LINGO2: variants seen among roughly 807,000 people sequenced by gnomAD.
LINGO2 encodes the protein leucine-rich repeat and immunoglobulin-like domain-containing nogo receptor-interacting protein 2.
In LINGO2, 14 loss-of-function variants were observed where a neutral mutation model predicts 30.6. The observed-to-expected ratio is 0.46, with a 90% CI of 0.30 to 0.72. The LOEUF (loss-of-function observed/expected upper bound fraction) is 0.72. Ranked by LOEUF, LINGO2 falls within the 30% of genes least tolerant of loss-of-function variation. LINGO2 has a pLI of 0.07. For missense variants in LINGO2, 729 were observed against 751.7 expected (o/e 0.97, Z 0.35); for synonymous variants, 317 against 288.5 (o/e 1.10, Z -1.00).
At chr9:29,157,223 G>A in the LINGO2 span, among the ~76,000 whole-genome samples, 1 of 152,078 alleles carries the variant, frequency 6.6e-6, no homozygotes, top group Non-Finnish European at 1.5e-5. Flanking sequence ...TTCACAATTA[G>A]TGGACAGCAG....
At chr9:28,509,025 G>T (rs1820264148) in intron 1 of LINGO2, among the ~76,000 whole-genome samples, 1 of 152,118 alleles carries the variant, frequency 6.6e-6, no homozygotes, top group African/African-American at 2.4e-5. Context: ...GGTAGGCCAA[G>T]AATCTAGCAG....
At chr9:28,447,303 T>C (rs955627729) in intron 2 of LINGO2, among the ~76,000 whole-genome samples, 2 of 152,160 alleles carry the variant, frequency 1.3e-5, no homozygotes, top group Middle Eastern at 3.2e-3. Flanking sequence ...GAGGGCTGTG[T>C]CCTTATGAAT....
the LINGO2 span, among the ~76,000 whole-genome samples, chr9:28,839,925 T>C: frequency 6.6e-6 from 1 of 151,968 alleles, no homozygotes; most frequent in South Asian, 2.1e-4. Context: ...CCCCTCATCC[T>C]CCCTCCTGTG....
At chr9:28,171,361 T>C (rs1828576413) in intron 4 of LINGO2, among the ~76,000 whole-genome samples, 1 of 152,184 alleles carries the variant, frequency 6.6e-6, no homozygotes, top group Admixed American at 6.5e-5. Flanking sequence ...TTAATGTCCT[T>C]GTCCTGGCAA....
At chr9:28,619,638 A>C (rs1826302041) in intron 1 of LINGO2, among the ~76,000 whole-genome samples, 1 of 152,076 alleles carries the variant, frequency 6.6e-6, no homozygotes, top group Admixed American at 6.6e-5. Flanking sequence ...GCTTAGGCTG[A>C]TTTCAATGTT....
At chr9:28,411,707 T>C (rs1406818605) in intron 2 of LINGO2, among the ~76,000 whole-genome samples, 2 of 152,166 alleles carry the variant, frequency 1.3e-5, no homozygotes, top group East Asian at 3.8e-4. Flanking sequence ...TTATCTATTG[T>C]AAATGATGCT....
At chr9:28,050,751 T>G (rs1327438143) in intron 4 of LINGO2, among the ~76,000 whole-genome samples, 1 of 150,912 alleles carries the variant, frequency 6.6e-6, no homozygotes, top group African/African-American at 2.4e-5. Flanking sequence ...TGGGGTAGCA[T>G]GCCATGATGT....
intron 1 of LINGO2, among the ~76,000 whole-genome samples, chr9:28,598,428 A>AAAC (rs1554643678): frequency 1.6e-4 from 22 of 140,754 alleles, no homozygotes; most frequent in African/African-American, 5.8e-4. Flanking sequence ...CAAAAAAAAA[A>AAAC]AAAAAACAAA....
At chr9:28,245,598 C>G (rs1821968378) in intron 4 of LINGO2, among the ~76,000 whole-genome samples, 1 of 152,168 alleles carries the variant, frequency 6.6e-6, no homozygotes, top group South Asian at 2.1e-4. Flanking sequence ...AGCAAAGTCT[C>G]AGGATACAAA....
At chr9:27,983,928 C>A (rs1037536084) in intron 5 of LINGO2, among the ~76,000 whole-genome samples, 1 of 151,774 alleles carries the variant, frequency 6.6e-6, no homozygotes, top group African/African-American at 2.4e-5. Context: ...TCTTGTCCTC[C>A]AAGATGGGCG....
chr9:28,971,295 T>C, the LINGO2 span, among the ~76,000 whole-genome samples: 3 of 152,168 alleles, frequency 2.0e-5, no homozygotes, highest in African/African-American at 7.2e-5. Context: ...TCAGGTATTA[T>C]CTTGGCCTCA....
chr9:29,076,207 G>A, the LINGO2 span, among the ~76,000 whole-genome samples: 29,933 of 151,732 alleles, frequency 0.2, 3,071 homozygotes, highest in African/African-American at 0.24. Context: ...ACTATGTTCT[G>A]GGAAGACACT....
the LINGO2 span, among the ~76,000 whole-genome samples, chr9:28,762,053 G>C: frequency 1.3e-5 from 2 of 151,590 alleles, no homozygotes; most frequent in African/African-American, 2.4e-5. Context: ...TTCTGAGTTG[G>C]AAGATTTTCT....
chr9:29,164,523 C>T, the LINGO2 span, among the ~76,000 whole-genome samples: 1 of 127,456 alleles, frequency 7.8e-6, no homozygotes, highest in African/African-American at 3.1e-5. Flanking sequence ...AGGGATACTA[C>T]TTGAAACATA....
intron 3 of LINGO2, among the ~76,000 whole-genome samples, chr9:28,346,600 T>G (rs1485889129): frequency 6.6e-6 from 1 of 152,176 alleles, no homozygotes; most frequent in Non-Finnish European, 1.5e-5. Flanking sequence ...TTGAGCTGTT[T>G]CAGGAATTGC....
At chr9:28,928,658 G>T in the LINGO2 span, among the ~76,000 whole-genome samples, 3 of 152,086 alleles carry the variant, frequency 2.0e-5, no homozygotes, top group African/African-American at 7.2e-5. Context: ...AAAACACAGT[G>T]GATAGGATAA....
the LINGO2 span, among the ~76,000 whole-genome samples, chr9:28,714,222 C>CAT: frequency 2.4e-4 from 34 of 142,812 alleles, no homozygotes; most frequent in Middle Eastern, 3.6e-3. Flanking sequence ...CGCACATATA[C>CAT]ATATATATAT....
intron 4 of LINGO2, among the ~76,000 whole-genome samples, chr9:28,220,245 T>C (rs968874055): frequency 6.6e-6 from 1 of 152,198 alleles, no homozygotes; most frequent in Non-Finnish European, 1.5e-5. Flanking sequence ...GAGGGATGAC[T>C]GTAGTCCTTT....
chr9:28,551,390 G>A (rs1024846404), intron 1 of LINGO2, among the ~76,000 whole-genome samples: 11 of 151,664 alleles, frequency 7.3e-5, no homozygotes, highest in African/African-American at 1.4e-4. Context: ...ATATATATAC[G>A]TCTATATCTA....
Sources: gnomAD v4.1 joint callset for allele counts (sites outside exome capture counted in the v4.1 genomes callset) on GRCh38, gnomAD v4.1.1 for gene constraint, MANE v1.5 for transcripts, NCBI Gene and HGNC (gene_info 2026-07-23, HGNC 2026-07-21) for gene names.